Variants in NUP93 observed in about 807,000 individuals in gnomAD.
NUP93 encodes the protein nucleoporin 93.
In NUP93, 55 loss-of-function variants were observed where a neutral mutation model predicts 107.8. That is an observed-to-expected ratio of 0.51 (90% CI 0.41 to 0.64). NUP93 has a LOEUF of 0.64. NUP93 is among the 30% of genes least tolerant of loss of function. The probability of loss-of-function intolerance (pLI) is 0.00; values close to 1 mark genes in which losing one functional copy is unlikely to be tolerated. For synonymous variants in NUP93, 390 were observed against 397.5 expected, an observed-to-expected ratio of 0.98 and a Z score of 0.22; for missense variants, 937 against 1,044.7, an observed-to-expected ratio of 0.90 and a Z score of 1.42.
At chr16:56,758,687 A>T (rs750614647) in intron 3 of NUP93, 32 bp downstream of exon 3, 1 of 1,491,724 alleles carries the variant, frequency 6.7e-7, no homozygotes, top group Non-Finnish European at 9.4e-7. Context: ...TGGAACCCAG[A>T]GCATATAACC....
chr16:56,792,854 T>C (rs9938953), intron 3 of NUP93, among the ~76,000 whole-genome samples: 64,428 of 151,946 alleles, frequency 0.42, 13,865 homozygotes, highest in East Asian at 0.61. Flanking sequence ...TTTTGCTGTT[T>C]AGAGGTTTAC....
At chr16:56,785,651 A>C (rs1003908429) in intron 3 of NUP93, among the ~76,000 whole-genome samples, 17 of 152,318 alleles carry the variant, frequency 1.1e-4, no homozygotes, top group Non-Finnish European at 1.3e-4. Context: ...GAAGGAGTAA[A>C]ATGGCGTCAC....
chr16:56,788,827 G>A (rs1262686615), intron 3 of NUP93, among the ~76,000 whole-genome samples: 1 of 152,182 alleles, frequency 6.6e-6, no homozygotes, highest in Non-Finnish European at 1.5e-5. Flanking sequence ...ACATTGTGTT[G>A]ACAAGGGAGA....
intron 12 of NUP93, 52 bp downstream of exon 12, chr16:56,832,440 C>T (rs1464097360): frequency 1.4e-6 from 2 of 1,428,188 alleles, no homozygotes; most frequent in Admixed American, 1.7e-5. Flanking sequence ...CTTAAGGTGA[C>T]TACTTCAGTT....
intron 3 of NUP93, among the ~76,000 whole-genome samples, chr16:56,784,098 T>C (rs553196933): frequency 5.2e-4 from 79 of 152,296 alleles, no homozygotes; most frequent in African/African-American, 1.8e-3. Context: ...TAATTATTCA[T>C]CAGTAATTTA....
intron 5 of NUP93, among the ~76,000 whole-genome samples, chr16:56,816,123 G>A (rs1250636141): frequency 2.6e-5 from 4 of 152,172 alleles, no homozygotes; most frequent in Non-Finnish European, 4.4e-5. Flanking sequence ...AAATTGCTTC[G>A]CGTCTCTGTG....
intron 2 of NUP93, among the ~76,000 whole-genome samples, chr16:56,755,090 G>A (rs1433441568): frequency 6.6e-6 from 1 of 152,090 alleles, no homozygotes; most frequent in Non-Finnish European, 1.5e-5. Flanking sequence ...TTCCTCAAAA[G>A]ATTAAGCATA....
intron 5 of NUP93, among the ~76,000 whole-genome samples, chr16:56,812,643 C>G (rs1302018647): frequency 1.3e-5 from 2 of 152,012 alleles, no homozygotes; most frequent in East Asian, 1.9e-4. Context: ...GTGTCCGCCC[C>G]CCTAGCAAGT....
At chr16:56,771,939 G>A (rs1351639020) in intron 3 of NUP93, among the ~76,000 whole-genome samples, 1 of 152,164 alleles carries the variant, frequency 6.6e-6, no homozygotes, top group Non-Finnish European at 1.5e-5. Context: ...AGATTTTTTG[G>A]TTTTGTTTTT....
In NUP93 at chr16:56,795,129, C is replaced by T. The variant is rs192341620; in HGVS notation, c.298-3347C>T. On this transcript the variant is annotated intron_variant, in intron 3 of 21. Coordinates refer to ENST00000308159, the MANE Select transcript of NUP93 (RefSeq NM_014669.5). ...TAATCCCCTCCCCTCTCCCCCACTACCCCCAAACGTAGCTTGTTTGGACAA... is the reference window on the plus strand; with the variant it reads ...TAATCCCCTCCCCTCTCCCCCACTATCCCCAAACGTAGCTTGTTTGGACAA... 5.3e-5 allele frequency among the ~76,000 whole-genome samples: 8 copies of T among 151,926 alleles called. No homozygotes were observed. In the East Asian group the frequency reaches 9.7e-4, roughly 18 times the overall value.
intron 16 of NUP93, among the ~76,000 whole-genome samples, chr16:56,836,274 C>CTTATCAGCAAAT (rs1963908404): frequency 6.6e-6 from 1 of 152,168 alleles, no homozygotes; most frequent in Admixed American, 6.5e-5. Context: ...CTAGTTCCTA[C>CTTATCAGCAAAT]TTATCAGCAA....
At chr16:56,801,242 T>C (rs935514645) in intron 4 of NUP93, among the ~76,000 whole-genome samples, 1 of 152,214 alleles carries the variant, frequency 6.6e-6, no homozygotes, top group Non-Finnish European at 1.5e-5. Flanking sequence ...CATTCTTCTT[T>C]GCACTTTAGT....
chr16:56,733,745 C>G (rs537565104), intron 1 of NUP93, among the ~76,000 whole-genome samples: 2 of 152,270 alleles, frequency 1.3e-5, no homozygotes, highest in East Asian at 3.9e-4. Flanking sequence ...TTAGAGTCCT[C>G]CTAGCTCACT....
At chr16:56,779,591 G>A (rs1355112147) in intron 3 of NUP93, among the ~76,000 whole-genome samples, 1 of 152,142 alleles carries the variant, frequency 6.6e-6, no homozygotes, top group Non-Finnish European at 1.5e-5. Context: ...GGCATCTGGG[G>A]TCTGAAGGCA....
chr16:56,749,712 G>A (rs1049814910), intron 2 of NUP93, among the ~76,000 whole-genome samples: 1 of 152,168 alleles, frequency 6.6e-6, no homozygotes. Flanking sequence ...CTGCTCTGTC[G>A]AGTCAGTAAG....
intron 3 of NUP93, among the ~76,000 whole-genome samples, chr16:56,795,997 A>G (rs761848826): frequency 2.6e-5 from 4 of 152,108 alleles, no homozygotes; most frequent in Admixed American, 1.3e-4. Flanking sequence ...CATTGTTCCT[A>G]TCCATCCCAG....
intron 8 of NUP93, among the ~76,000 whole-genome samples, chr16:56,827,684 C>T (rs1048262420): frequency 3.3e-5 from 5 of 152,196 alleles, no homozygotes; most frequent in Non-Finnish European, 7.3e-5. Flanking sequence ...AGATATTCTA[C>T]CAGACAGCTG....
chr16:56,839,689 A>G, intron 20 of NUP93, 85 bp downstream of exon 20: 2 of 1,070,032 alleles, frequency 1.9e-6, no homozygotes, highest in Non-Finnish European at 2.8e-6. Context: ...TAACAGCTTT[A>G]AGAATTCTAG....
chr16:56,744,105 G>C (rs1351795164), intron 1 of NUP93, among the ~76,000 whole-genome samples: 1 of 152,108 alleles, frequency 6.6e-6, no homozygotes, highest in African/African-American at 2.4e-5. Context: ...CTGCTTCCGT[G>C]GTTTCTTAGT....
Sources: allele counts gnomAD v4.1 joint callset (sites outside exome capture counted in the v4.1 genomes callset), GRCh38; gene constraint gnomAD v4.1.1; transcripts MANE v1.5; gene names NCBI Gene and HGNC (gene_info 2026-07-23, HGNC 2026-07-21).